THNSL1: variants seen among roughly 807,000 people sequenced by gnomAD.
THNSL1 encodes threonine synthase like 1.
Under a neutral mutation model 50.4 loss-of-function variants are expected in THNSL1, and 48 were observed. The observed-to-expected ratio is 0.95, with a 90% CI of 0.76 to 1.21. THNSL1 has a LOEUF of 1.21. Among genes scored for constraint, THNSL1 ranks in the 50% most tolerant of loss-of-function variants. THNSL1 has a pLI of 0.00. For missense variants in THNSL1, 896 were observed against 871.7 expected (o/e 1.03, Z -0.35); for synonymous variants, 309 against 306.1 (o/e 1.01, Z -0.10).
chr10:24,986,459 G>C, the THNSL1 span, among the ~76,000 whole-genome samples: 1 of 152,206 alleles, frequency 6.6e-6, no homozygotes, highest in Non-Finnish European at 1.5e-5. Context: ...TGTATGCGAT[G>C]TATTCCAAAA....
chr10:24,966,408 T>G, the THNSL1 span, among the ~76,000 whole-genome samples: 1 of 152,244 alleles, frequency 6.6e-6, no homozygotes, highest in Non-Finnish European at 1.5e-5. Flanking sequence ...CCCTCTTGCT[T>G]TCTTCAGTCC....
chr10:24,969,705 C>T, the THNSL1 span, among the ~76,000 whole-genome samples: 15 of 152,118 alleles, frequency 9.9e-5, no homozygotes, highest in East Asian at 1.9e-4. Flanking sequence ...TCACGTGGAA[C>T]GACATTTTAG....
In THNSL1 at chr10:25,024,146, C is replaced by A. The variant is rs752725022; in HGVS notation, c.923C>A (p.Ala308Asp). 1 of 1,614,116 alleles carries A rather than the reference C, an allele frequency of 6.2e-7. No individual in the cohort carries two copies. The highest frequency in any genetic ancestry group is 2.2e-5 in the East Asian group (1 of 44,866). Residue 308 changes from alanine (A) to aspartate (D), a missense_variant, in exon 3 of 3, where the codon GCC (alanine) becomes GAC (aspartate). Physicochemically the swap from Ala to Asp is moderately radical, Grantham distance 126. Transcript: ENST00000376356. ...RCIHPADIPA[A>D]RLGEMIETAY... ...ATCCATCCTGCAGACATACCTGCTG[C>A]CAGGTTGGGAGAAATGATTGAAACT...
chr10:25,021,219 C>T (rs916567880), intron 1 of THNSL1, among the ~76,000 whole-genome samples: 1 of 152,188 alleles, frequency 6.6e-6, no homozygotes, highest in Non-Finnish European at 1.5e-5. Context: ...ATATTTTGTG[C>T]TAACCACTAT....
the THNSL1 span, among the ~76,000 whole-genome samples, chr10:25,003,470 G>A: frequency 6.6e-6 from 1 of 152,210 alleles, no homozygotes; most frequent in South Asian, 2.1e-4. Flanking sequence ...GCCTTCCAAA[G>A]TGCTGGGATA....
the THNSL1 span, among the ~76,000 whole-genome samples, chr10:24,955,455 T>C: frequency 6.6e-6 from 1 of 152,232 alleles, no homozygotes; most frequent in African/African-American, 2.4e-5. Context: ...TACATCAATT[T>C]TCTCATCCAT....
At position 25,024,535 on chromosome 10, in the gene THNSL1, G is replaced by T. The variant is rs755333910; in HGVS notation, c.1312G>T (p.Asp438Tyr). Residue 438 changes from aspartate (D) to tyrosine (Y), a missense_variant, in exon 3 of 3, where the codon GAT (aspartate) becomes TAT (tyrosine). Coordinates refer to ENST00000376356, the MANE Select transcript of THNSL1 (RefSeq NM_024838.5). ...GGCAGTGGGTGTTGAGTCAGATTTTGATTTTTGCCAGACAGCTATAAAAAG... is the reference window on the plus strand; with the variant it reads ...GGCAGTGGGTGTTGAGTCAGATTTTTATTTTTGCCAGACAGCTATAAAAAG... Reference protein sequence around the residue: ...GWAVGVESDFDFCQTAIKRIF... With the variant: ...GWAVGVESDFYFCQTAIKRIF... 6.2e-7 allele frequency: 1 copy of T among 1,614,166 alleles called. No individual in the cohort carries two copies. The highest frequency in any genetic ancestry group is 8.5e-7 in the Non-Finnish European group (1 of 1,180,006).
rs1449133678 is a variant in THNSL1, at chr10:25,023,761, A to G, written c.538A>G (p.Thr180Ala). The G allele has an allele frequency of 6.2e-7, 1 of 1,613,998 alleles. No individual in the cohort carries two copies. Among genetic ancestry groups the G allele is most frequent in the South Asian group, 1.1e-5 (1 of 91,036 alleles). ...TDRIVGQNSG[T>A]SMKDLLKFRR... ...TAGGATTGTAGGTCAGAATTCTGGAACATCTATGAAAGACTTACTTAAATT... is the reference window on the plus strand; with the variant it reads ...TAGGATTGTAGGTCAGAATTCTGGAGCATCTATGAAAGACTTACTTAAATT... Residue 180 changes from threonine to alanine, a missense_variant, in exon 3 of 3, where the codon ACA becomes GCA. Transcript: ENST00000376356.
chr10:25,007,316 A>G, the THNSL1 span, among the ~76,000 whole-genome samples: 4 of 152,304 alleles, frequency 2.6e-5, no homozygotes, highest in Non-Finnish European at 2.9e-5. Flanking sequence ...TTTAAGGAGT[A>G]TTGTTGTCAT....
At chr10:25,016,898 ACT>A (rs1850597941) in intron 1 of THNSL1, 1 of 152,092 alleles carries the variant, frequency 6.6e-6, no homozygotes, top group South Asian at 2.1e-4. Context: ...GGTCATCTCA[ACT>A]CTGCGCGCAT....
rs1015560622 is a variant in THNSL1 at position 25,017,021 on chromosome 10, C to G, written c.-216+329C>G. Among the ~76,000 whole-genome samples, 14 of 152,160 alleles carry G rather than the reference C, an allele frequency of 9.2e-5. No individual in the cohort carries two copies. The East Asian group carries it at 2.7e-3, about 29-fold the overall frequency. On this transcript the variant is annotated intron_variant, in intron 1 of 2. Coordinates refer to ENST00000376356, the MANE Select transcript of THNSL1 (RefSeq NM_024838.5). The stretch of plus-strand genomic sequence containing the variant: ...GCCTCCTCCGCCTGCTGCGCTCGCC[C>G]TCCCGCCCCTGCTCCCGGGACCGCC...
the THNSL1 span, among the ~76,000 whole-genome samples, chr10:24,963,392 T>C: frequency 2.0e-5 from 3 of 152,240 alleles, no homozygotes; most frequent in African/African-American, 4.8e-5. Context: ...TAGTCTGTGT[T>C]TCTGAGCTCT....
chr10:24,958,431 G>T, the THNSL1 span, among the ~76,000 whole-genome samples: 1 of 152,196 alleles, frequency 6.6e-6, no homozygotes, highest in African/African-American at 2.4e-5. Flanking sequence ...CAAGTGCTCA[G>T]GCTAAGTAAG....
chr10:24,992,131 T>C, the THNSL1 span, among the ~76,000 whole-genome samples: 1 of 152,254 alleles, frequency 6.6e-6, no homozygotes, highest in African/African-American at 2.4e-5. Flanking sequence ...AATTACTATG[T>C]ATTCCTTCTT....
At position 25,024,079 on chromosome 10, in the gene THNSL1, G is replaced by A; in HGVS notation, c.856G>A (p.Ala286Thr). The change falls in exon 3 of 3, where the codon GCA (alanine) becomes ACA (threonine). Residue 286 changes from alanine (A) to threonine (T), a missense_variant. Coordinates refer to ENST00000376356, the MANE Select transcript of THNSL1 (RefSeq NM_024838.5). ...CGGGGAGTGGAAAAGCCTAGTAGGA[G>A]CAACCTACGTAGAAAGAGCACAGAT... Reference protein sequence around the residue: ...SCGEWKSLVGATYVERAQILL... With the variant: ...SCGEWKSLVGTTYVERAQILL... 1 of 1,614,194 alleles carries A rather than the reference G, an allele frequency of 6.2e-7. No individual in the cohort carries two copies. The highest frequency in any genetic ancestry group is 8.5e-7 in the Non-Finnish European group (1 of 1,180,014).
At chr10:24,988,515 T>G in the THNSL1 span, among the ~76,000 whole-genome samples, 1 of 147,090 alleles carries the variant, frequency 6.8e-6, no homozygotes, top group Non-Finnish European at 1.5e-5. Context: ...ATTTAATTGG[T>G]GAGAGGAACT....
chr10:25,015,057 T>C (rs1850534716), upstream of THNSL1, among the ~76,000 whole-genome samples: 1 of 152,198 alleles, frequency 6.6e-6, no homozygotes, highest in Admixed American at 6.5e-5. Context: ...ACAAGGATGA[T>C]GGTAAAAGAC....
the THNSL1 span, chr10:24,953,304 G>T: frequency 6.6e-6 from 1 of 151,108 alleles, no homozygotes; most frequent in Non-Finnish European, 1.5e-5. Flanking sequence ...GATTACACCC[G>T]ATTGCTTTTA....
chr10:24,990,646 T>C, the THNSL1 span: 1 of 1,574,980 alleles, frequency 6.3e-7, no homozygotes, highest in African/African-American at 1.4e-5. Flanking sequence ...ATCAATATTT[T>C]GTATGCAATC....
Sources: allele counts gnomAD v4.1 joint callset (sites outside exome capture counted in the v4.1 genomes callset), GRCh38; gene constraint gnomAD v4.1.1; transcripts MANE v1.5; gene names NCBI Gene and HGNC (gene_info 2026-07-23, HGNC 2026-07-21).